Variants in AFG2A observed in about 807,000 individuals in gnomAD.
AFG2A encodes the protein AAA ATPase AFG2A, also known as ATPase family gene 2 protein homolog A.
At chr4:123,045,822 G>A in the AFG2A span, among the ~76,000 whole-genome samples, 1 of 152,042 alleles carries the variant, frequency 6.6e-6, no homozygotes, top group African/African-American at 2.4e-5. Flanking sequence ...TTGGCCGGGC[G>A]AGGTGGTTCA....
the AFG2A span, among the ~76,000 whole-genome samples, chr4:123,096,524 T>C: frequency 6.6e-6 from 1 of 152,070 alleles, no homozygotes; most frequent in Non-Finnish European, 1.5e-5. Context: ...GAAAACATGA[T>C]CATGTCTTCT....
At chr4:122,924,195 C>T in the AFG2A span, among the ~76,000 whole-genome samples, 3 of 152,146 alleles carry the variant, frequency 2.0e-5, no homozygotes, top group African/African-American at 7.2e-5. Flanking sequence ...TGAACTAGAT[C>T]CTTCCCATTG....
At chr4:123,136,214 G>A in the AFG2A span, among the ~76,000 whole-genome samples, 6 of 152,000 alleles carry the variant, frequency 3.9e-5, no homozygotes, top group Non-Finnish European at 8.8e-5. Context: ...CTAACTTGTC[G>A]ACTGTTCTGT....
the AFG2A span, among the ~76,000 whole-genome samples, chr4:123,020,494 G>A: frequency 2.0e-5 from 3 of 151,168 alleles, no homozygotes; most frequent in African/African-American, 4.9e-5. Context: ...TCAGCCTCCC[G>A]AGTAGCGGAG....
chr4:123,260,421 C>T, the AFG2A span, among the ~76,000 whole-genome samples: 1 of 152,188 alleles, frequency 6.6e-6, no homozygotes, highest in Admixed American at 6.5e-5. Context: ...TTTAAAAAAT[C>T]ACCTTCTAGT....
the AFG2A span, among the ~76,000 whole-genome samples, chr4:123,282,148 C>T: frequency 6.6e-6 from 1 of 152,254 alleles, no homozygotes; most frequent in East Asian, 1.9e-4. Flanking sequence ...GAACTCTGTA[C>T]TTTATGCCCA....
At chr4:123,129,841 C>G in the AFG2A span, among the ~76,000 whole-genome samples, 1 of 152,048 alleles carries the variant, frequency 6.6e-6, no homozygotes, top group Admixed American at 6.6e-5. Flanking sequence ...AAGGCACTTG[C>G]AGTTCAACAT....
chr4:123,270,543 G>T, the AFG2A span, among the ~76,000 whole-genome samples: 3,511 of 152,196 alleles, frequency 0.023, 70 homozygotes, highest in Middle Eastern at 0.058. Context: ...TTAGGTGCAT[G>T]TTGCTTTCCC....
chr4:123,265,786 C>A, the AFG2A span, among the ~76,000 whole-genome samples: 2 of 152,056 alleles, frequency 1.3e-5, no homozygotes, highest in African/African-American at 2.4e-5. Context: ...AGGCTGATAT[C>A]CAGAGTAAAT....
the AFG2A span, among the ~76,000 whole-genome samples, chr4:123,224,367 C>A: frequency 1.3e-5 from 2 of 152,050 alleles, no homozygotes; most frequent in Non-Finnish European, 2.9e-5. Flanking sequence ...ACCCTCCCCC[C>A]ATCCCACAAC....
chr4:123,266,538 T>C, the AFG2A span, among the ~76,000 whole-genome samples: 1 of 151,966 alleles, frequency 6.6e-6, no homozygotes, highest in African/African-American at 2.4e-5. Context: ...GTATATGTCT[T>C]GTTTTTAGTT....
the AFG2A span, among the ~76,000 whole-genome samples, chr4:122,972,064 A>G: frequency 2.0e-5 from 3 of 152,218 alleles, no homozygotes; most frequent in East Asian, 1.9e-4. Flanking sequence ...CTCTGGAACA[A>G]TTTTTTAAAA....
chr4:122,934,871 A>G, the AFG2A span: 26 of 1,194,044 alleles, frequency 2.2e-5, no homozygotes, highest in Middle Eastern at 8.7e-4. Flanking sequence ...AGAAGATTTC[A>G]GTTGCTTTGG....
At chr4:122,935,473 T>C in the AFG2A span, among the ~76,000 whole-genome samples, 1 of 140,704 alleles carries the variant, frequency 7.1e-6, no homozygotes, top group Admixed American at 7.1e-5. Context: ...GGGTGTCCAG[T>C]TTTTTTTTTT....
chr4:123,126,586 G>A, the AFG2A span, among the ~76,000 whole-genome samples: 3,332 of 152,238 alleles, frequency 0.022, 68 homozygotes, highest in Non-Finnish European at 0.035. Context: ...AATCATGGGG[G>A]TGCTTACCTC....
the AFG2A span, among the ~76,000 whole-genome samples, chr4:123,297,488 G>A: frequency 2.6e-5 from 4 of 152,236 alleles, no homozygotes; most frequent in East Asian, 1.9e-4. Context: ...TTGGGAGGCC[G>A]AGGCTGGCAG....
chr4:123,069,119 T>A, the AFG2A span, among the ~76,000 whole-genome samples: 1 of 152,182 alleles, frequency 6.6e-6, no homozygotes. Flanking sequence ...CTTTTTAATA[T>A]AGCTGTTAGC....
the AFG2A span, among the ~76,000 whole-genome samples, chr4:123,271,016 G>T: frequency 6.6e-6 from 1 of 152,144 alleles, no homozygotes; most frequent in Admixed American, 6.5e-5. Context: ...GCAAAGCCAT[G>T]AAGGTATATC....
the AFG2A span, among the ~76,000 whole-genome samples, chr4:122,944,300 CAT>C: frequency 1.3e-5 from 2 of 151,930 alleles, no homozygotes; most frequent in East Asian, 3.9e-4. Context: ...GGTCTTTTCA[CAT>C]AGTCCCATAT....
Sources: gnomAD v4.1 joint callset for allele counts (sites outside exome capture counted in the v4.1 genomes callset) on GRCh38, gnomAD v4.1.1 for gene constraint, MANE v1.5 for transcripts, NCBI Gene and HGNC (gene_info 2026-07-23, HGNC 2026-07-21) for gene names.